The following PHF2 variants were observed in gnomAD, a reference collection of about 807,000 sequenced individuals.
PHF2 encodes lysine-specific demethylase PHF2.
PHF2 carries 27 observed loss-of-function variants against 120.5 expected under a neutral mutation model. The observed-to-expected ratio is 0.22, with a 90% CI of 0.17 to 0.31. The LOEUF (loss-of-function observed/expected upper bound fraction) is 0.31. Among genes scored for constraint, PHF2 ranks in the 10% least tolerant of loss-of-function variants. The probability of loss-of-function intolerance (pLI) is 1.00; values close to 1 mark genes in which losing one functional copy is unlikely to be tolerated. For synonymous variants in PHF2, 568 were observed against 592.5 expected (o/e 0.96, Z 0.60); for missense variants, 1,024 against 1,434.8 (o/e 0.71, Z 4.63).
chr9:93,608,799 G>A (rs1564379423), intron 1 of PHF2, among the ~76,000 whole-genome samples: 1 of 151,726 alleles, frequency 6.6e-6, no homozygotes, highest in Non-Finnish European at 1.5e-5. Context: ...CAACATAGTT[G>A]GTCCTTGTTT....
intron 3 of PHF2, among the ~76,000 whole-genome samples, chr9:93,638,749 C>G (rs907012202): frequency 6.6e-6 from 1 of 152,158 alleles, no homozygotes; most frequent in Non-Finnish European, 1.5e-5. Flanking sequence ...GACGGAGTCT[C>G]ACTCTGTCAC....
At chr9:93,609,281 T>C (rs1825595892) in intron 1 of PHF2, among the ~76,000 whole-genome samples, 1 of 152,084 alleles carries the variant, frequency 6.6e-6, no homozygotes, top group East Asian at 1.9e-4. Flanking sequence ...ATTGTTGCTA[T>C]TATTATTGGT....
intron 6 of PHF2, among the ~76,000 whole-genome samples, chr9:93,654,174 G>A (rs1826417498): frequency 6.6e-6 from 1 of 152,192 alleles, no homozygotes; most frequent in Non-Finnish European, 1.5e-5. Context: ...ACCATTTGTA[G>A]TGCCTCGAAA....
At position 93,667,080 on chromosome 9, in the gene PHF2, A is replaced by C. The variant is rs147647062; in HGVS notation, c.2188A>C (p.Ser730Arg). The C allele has an allele frequency of 9.3e-6, 15 of 1,611,754 alleles. No homozygotes were observed. In the Admixed American group the frequency reaches 2.5e-4, roughly 27 times the overall value. The change falls in exon 17 of 22, where the codon AGT (serine) becomes CGT (arginine). Residue 730 changes from serine (S) to arginine (R), a missense_variant and splice_region_variant. Physicochemically the swap from Ser to Arg is moderately radical, Grantham distance 110. Transcript: ENST00000359246. ...KPKLDSAAYK[S>R]DDSSDEGSLH... ...CGAAGCCCTGTCCCTCGCGCAGCAG[A>C]GTGATGACTCCTCGGACGAGGGTTC...
intron 12 of PHF2, among the ~76,000 whole-genome samples, chr9:93,662,150 G>T (rs1428734237): frequency 1.4e-5 from 2 of 147,938 alleles, no homozygotes; most frequent in Admixed American, 6.7e-5. Flanking sequence ...TGGATGGATG[G>T]ATAGACAGAG....
At chr9:93,603,181 G>A (rs1461439325) in intron 1 of PHF2, among the ~76,000 whole-genome samples, 4 of 152,134 alleles carry the variant, frequency 2.6e-5, no homozygotes, top group Admixed American at 2.6e-4. Flanking sequence ...GCCTCAGTAG[G>A]CTATGTGGAC....
intron 1 of PHF2, among the ~76,000 whole-genome samples, chr9:93,578,920 G>T (rs1862885044): frequency 6.6e-6 from 1 of 152,166 alleles, no homozygotes; most frequent in Non-Finnish European, 1.5e-5. Context: ...TGGCTGTGGG[G>T]TCTGAAAGAA....
chr9:93,650,432 G>A (rs947550398), intron 5 of PHF2, among the ~76,000 whole-genome samples: 2 of 152,016 alleles, frequency 1.3e-5, no homozygotes, highest in African/African-American at 4.8e-5. Context: ...CCGTGTAGAC[G>A]CCTACACTCA....
rs149212418 is a variant in PHF2, at chr9:93,677,140, C to T, written c.3202+177C>T. 3.7e-3 allele frequency among the ~76,000 whole-genome samples: 550 copies of T among 147,778 alleles called. 5 individuals carry two copies. Among genetic ancestry groups the T allele is most frequent in the African/African-American group, 0.013 (517 of 40,212 alleles). ...TGCATCTTTGTGTGAGCGTATCCCA[C>T]AGTACAGGACGTGTGCTTTCATCCT... On this transcript the variant is annotated intron_variant, in intron 21 of 21. Transcript: ENST00000359246. The surrounding 1 kb of genome is among the most constrained non-coding windows in gnomAD (Gnocchi z 4.4).
chr9:93,628,763 T>A (rs1259216366), intron 1 of PHF2, among the ~76,000 whole-genome samples: 1 of 152,192 alleles, frequency 6.6e-6, no homozygotes, highest in Admixed American at 6.5e-5. Flanking sequence ...TAGAGGAAGA[T>A]GTTGAAGTAT....
At chr9:93,588,903 A>G (rs1051654395) in intron 1 of PHF2, among the ~76,000 whole-genome samples, 2 of 152,166 alleles carry the variant, frequency 1.3e-5, no homozygotes, top group Non-Finnish European at 2.9e-5. Context: ...AAACAAACAA[A>G]CAAGCAAAAA....
intron 1 of PHF2, among the ~76,000 whole-genome samples, chr9:93,596,395 A>C (rs1254581626): frequency 8.5e-5 from 13 of 152,096 alleles, no homozygotes; most frequent in Non-Finnish European, 1.9e-4. Flanking sequence ...GAGTGCTTGA[A>C]TGAATGAAGA....
At chr9:93,655,771 C>T (rs192302413) in intron 7 of PHF2, among the ~76,000 whole-genome samples, 163 bp from the exon 8 acceptor site, 37 of 152,346 alleles carry the variant, frequency 2.4e-4, no homozygotes, top group Admixed American at 2.2e-3. Flanking sequence ...CTGGTGAAGC[C>T]GCAGAGGTGG....
intron 1 of PHF2, chr9:93,594,922 A>G (rs903428130): frequency 1.3e-5 from 2 of 154,020 alleles, no homozygotes; most frequent in East Asian, 1.9e-4. Flanking sequence ...GGAATTATGT[A>G]TCTTCATTTG....
chr9:93,579,378 CT>C (rs1321607958), intron 1 of PHF2, among the ~76,000 whole-genome samples: 2 of 152,138 alleles, frequency 1.3e-5, no homozygotes, highest in African/African-American at 2.4e-5. Context: ...TACAGTTTCC[CT>C]GTATCCTTCT....
At chr9:93,624,883 G>T (rs1430806096) in intron 1 of PHF2, among the ~76,000 whole-genome samples, 1 of 152,002 alleles carries the variant, frequency 6.6e-6, no homozygotes, top group Non-Finnish European at 1.5e-5. Context: ...GATAATGATG[G>T]TGTGGCAATG....
In PHF2 at chr9:93,656,403, G is replaced by A. The variant is rs1234120740; in HGVS notation, c.1041-86G>A. On this transcript the variant is annotated intron_variant, in intron 8 of 21. Transcript: ENST00000359246. This position sits in a 1 kb window ranked among gnomAD's most constrained non-coding sequence, Gnocchi z 4.1. ...TGCAGGGCCCAGTGGGGAGGCCTGA[G>A]CTGGTGTGTCTGGGGCCTGGATTGA... 4 of 962,784 alleles carry A rather than the reference G, an allele frequency of 4.2e-6. No individual in the cohort carries two copies. The African/African-American group carries it at 6.4e-5, about 15-fold the overall frequency. The allele number at this position is 962,784 out of a possible 1,614,324, so 59.6% of individuals were successfully genotyped here. A position where few individuals can be genotyped will look rare whatever the true frequency, so the allele number is the denominator to read the frequency against.
chr9:93,622,494 G>C (rs1038825416), intron 1 of PHF2, among the ~76,000 whole-genome samples: 4 of 152,188 alleles, frequency 2.6e-5, no homozygotes, highest in African/African-American at 9.6e-5. Context: ...GTCCTTAGGA[G>C]GGGAGGAGGG....
intron 13 of PHF2, 89 bp from the exon 14 acceptor site, chr9:93,663,428 G>C: frequency 2.4e-6 from 2 of 819,146 alleles, no homozygotes; most frequent in Non-Finnish European, 4.0e-6. Context: ...CGTGTTCCCA[G>C]TAGCTGCCTC....
Sources: gnomAD v4.1 joint callset for allele counts (sites outside exome capture counted in the v4.1 genomes callset) on GRCh38, gnomAD v4.1.1 for gene constraint, Gnocchi (gnomAD v3.1) non-coding constraint, MANE v1.5 for transcripts, NCBI Gene and HGNC (gene_info 2026-07-23, HGNC 2026-07-21) for gene names.